ITPR1: variants seen among roughly 807,000 people sequenced by gnomAD.
ITPR1 encodes inositol 1,4,5-trisphosphate receptor type 1, also known as inositol 1,4,5-trisphosphate-gated calcium channel ITPR1.
ITPR1 carries 96 observed loss-of-function variants against 318.4 expected under a neutral mutation model. The ratio of observed to expected loss-of-function variants is 0.30; its 90% CI spans 0.26 to 0.36. The LOEUF (loss-of-function observed/expected upper bound fraction) is 0.36, where lower values mean the gene tolerates loss of function less well. Among genes scored for constraint, ITPR1 ranks in the 10% least tolerant of loss-of-function variants. The pLI, the probability that ITPR1 is intolerant of heterozygous loss-of-function variation, is 1.00. For missense variants in ITPR1, 2,440 were observed against 3,460.2 expected (o/e 0.71, Z 7.40); for synonymous variants, 1,312 against 1,289.9 (o/e 1.02, Z -0.37).
At chr3:4,784,938 T>C (rs1008505590) in intron 51 of ITPR1, among the ~76,000 whole-genome samples, 1 of 151,216 alleles carries the variant, frequency 6.6e-6, no homozygotes, top group African/African-American at 2.4e-5. Flanking sequence ...AGTGTGGAGA[T>C]GGCCATAATG....
chr3:4,517,212 C>T (rs1208223297), intron 3 of ITPR1, among the ~76,000 whole-genome samples: 1 of 152,164 alleles, frequency 6.6e-6, no homozygotes, highest in African/African-American at 2.4e-5. Flanking sequence ...CCTCCTACGC[C>T]TATTGTCTAG....
chr3:4,521,693 A>T (rs2082580162), intron 4 of ITPR1, among the ~76,000 whole-genome samples: 2 of 152,148 alleles, frequency 1.3e-5, no homozygotes, highest in African/African-American at 4.8e-5. Flanking sequence ...ACATGGTGAA[A>T]CACTGTCTCT....
intron 44 of ITPR1, among the ~76,000 whole-genome samples, chr3:4,757,751 C>G (rs546752138): frequency 1.3e-5 from 2 of 152,176 alleles, no homozygotes; most frequent in Admixed American, 6.5e-5. Context: ...GCTTAGCGCC[C>G]GGCAAATCGG....
At chr3:4,747,621 A>G (rs1333932860) in intron 44 of ITPR1, among the ~76,000 whole-genome samples, 1 of 152,224 alleles carries the variant, frequency 6.6e-6, no homozygotes, top group Non-Finnish European at 1.5e-5. Flanking sequence ...AGGTCTGCCC[A>G]TGAATTCTGG....
chr3:4,519,932 C>T (rs778397285), intron 3 of ITPR1, among the ~76,000 whole-genome samples: 9 of 151,924 alleles, frequency 5.9e-5, no homozygotes, highest in Middle Eastern at 3.4e-3. Flanking sequence ...GAAGCTTGGT[C>T]GGGGGGGCTT....
chr3:4,843,074 GTT>G (rs11404208), intron 61 of ITPR1, among the ~76,000 whole-genome samples: 36 of 105,438 alleles, frequency 3.4e-4, no homozygotes, highest in African/African-American at 8.1e-4. Flanking sequence ...GTTTTGAGGG[GTT>G]TTTTTTTTTT....
chr3:4,614,372 C>CA (rs2092299557), intron 4 of ITPR1, among the ~76,000 whole-genome samples: 1 of 152,234 alleles, frequency 6.6e-6, no homozygotes, highest in South Asian at 2.1e-4. Context: ...GTGGCTGTGT[C>CA]ACCTGTTTAT....
chr3:4,677,931 C>A (rs1356104136), intron 24 of ITPR1, among the ~76,000 whole-genome samples: 1 of 152,006 alleles, frequency 6.6e-6, no homozygotes, highest in Non-Finnish European at 1.5e-5. Flanking sequence ...TGAACCCCAC[C>A]CGACAACCTG....
Position 4,688,497 on chromosome 3 carries a change from C to A in ITPR1, c.3705C>A (p.Ala1235=). ...LELLQIPYEK[A]EDTKMQEIMR... ...TTCATCTGTCTCCTCCCACACAGGC[C>A]GAAGATACCAAGATGCAAGAGATAA... Residue 1235 remains alanine (A), a splice_region_variant and synonymous_variant, in exon 31 of 62, where the codon GCC becomes GCA. Transcript: ENST00000649015. The A allele has an allele frequency of 6.2e-7, 1 of 1,613,818 alleles. No homozygotes were observed. The highest frequency in any genetic ancestry group is 8.5e-7 in the Non-Finnish European group (1 of 1,179,778).
At chr3:4,712,417 A>G (rs759438881) in intron 39 of ITPR1, among the ~76,000 whole-genome samples, 9 of 152,246 alleles carry the variant, frequency 5.9e-5, no homozygotes, top group Non-Finnish European at 1.3e-4. Context: ...TACCAGATCC[A>G]TTCCTTACAC....
intron 2 of ITPR1, among the ~76,000 whole-genome samples, chr3:4,512,924 C>T (rs11716573): frequency 1.5e-5 from 2 of 136,278 alleles, no homozygotes; most frequent in East Asian, 4.7e-4. Flanking sequence ...AGCCTGCCCT[C>T]GTGTATGTCA....
chr3:4,715,619 G>A (rs1344084180), intron 39 of ITPR1, among the ~76,000 whole-genome samples: 2 of 152,170 alleles, frequency 1.3e-5, no homozygotes, highest in Non-Finnish European at 2.9e-5. Flanking sequence ...TTGGGAGGCC[G>A]AGGCGGGTGG....
intron 61 of ITPR1, among the ~76,000 whole-genome samples, chr3:4,842,910 G>A (rs926956497): frequency 6.6e-6 from 1 of 152,132 alleles, no homozygotes; most frequent in African/African-American, 2.4e-5. Context: ...GATAGTACGT[G>A]TGAATGTATG....
At position 4,779,354 on chromosome 3, in the gene ITPR1, G is replaced by A. The variant is rs770251534; in HGVS notation, c.6292-196G>A. Among the ~76,000 whole-genome samples, 5 of 152,254 alleles carry A rather than the reference G, an allele frequency of 3.3e-5. No homozygotes were observed. Among genetic ancestry groups the A allele is most frequent in the Admixed American group, 6.5e-5 (1 of 15,290 alleles). ...TTGTCCGAAATCAGATTCTGCACAC[G>A]TATCTGGGGTCTGAAGGGGGATGCT... On this transcript the variant is annotated intron_variant, in intron 48 of 61. Transcript: ENST00000649015. The surrounding 1 kb of genome is among the most constrained non-coding windows in gnomAD (Gnocchi z 4.0).
intron 51 of ITPR1, among the ~76,000 whole-genome samples, chr3:4,784,174 C>T (rs1447185550): frequency 6.6e-6 from 1 of 152,096 alleles, no homozygotes; most frequent in African/African-American, 2.4e-5. Context: ...TGGGAGGCAT[C>T]ATAAGAAAGT....
At chr3:4,688,998 A>T (rs73110491) in intron 31 of ITPR1, among the ~76,000 whole-genome samples, 173 of 152,334 alleles carry the variant, frequency 1.1e-3, no homozygotes, top group African/African-American at 3.8e-3. Context: ...ATATTTCCAT[A>T]TCAAACATAT....
intron 44 of ITPR1, among the ~76,000 whole-genome samples, chr3:4,761,159 A>T (rs1458789216): frequency 3.9e-5 from 6 of 152,116 alleles, no homozygotes; most frequent in Admixed American, 3.9e-4. Context: ...TTTTAGATTC[A>T]GGAGGTAAAT....
chr3:4,649,211 T>G (rs1424230207), intron 10 of ITPR1, among the ~76,000 whole-genome samples: 1 of 152,244 alleles, frequency 6.6e-6, no homozygotes, highest in African/African-American at 2.4e-5. Flanking sequence ...TGATTTAATG[T>G]GCCTACTTCC....
intron 2 of ITPR1, among the ~76,000 whole-genome samples, chr3:4,502,591 C>T (rs2124879212): frequency 6.6e-6 from 1 of 152,038 alleles, no homozygotes; most frequent in East Asian, 2.0e-4. Context: ...CAGGCATGTG[C>T]CACCATGCCT....
Sources: allele counts gnomAD v4.1 joint callset (sites outside exome capture counted in the v4.1 genomes callset), GRCh38; gene constraint gnomAD v4.1.1; non-coding constraint Gnocchi (gnomAD v3.1); transcripts MANE v1.5; gene names NCBI Gene and HGNC (gene_info 2026-07-23, HGNC 2026-07-21).